Variants in SPAG9 observed in about 807,000 individuals in gnomAD.
The protein encoded by SPAG9 is sperm associated antigen 9.
SPAG9 carries 35 observed loss-of-function variants against 166.5 expected under a neutral mutation model. The observed-to-expected ratio is 0.21, with a 90% CI of 0.16 to 0.28. The LOEUF (loss-of-function observed/expected upper bound fraction) is 0.28. Ranked by LOEUF, SPAG9 falls within the 10% of genes least tolerant of loss-of-function variation. SPAG9 has a pLI of 1.00. For synonymous variants in SPAG9, 534 were observed against 565.5 expected (o/e 0.94, Z 0.79); for missense variants, 1,235 against 1,603.3 (o/e 0.77, Z 3.92).
intron 15 of SPAG9, 138 bp from the exon 16 acceptor site, chr17:50,996,832 A>G: frequency 1.2e-6 from 1 of 836,404 alleles, no homozygotes; most frequent in Non-Finnish European, 1.8e-6. Flanking sequence ...TTCAACTATA[A>G]CAGCTCCTTA....
chr17:51,046,785 C>T (rs536862642), intron 4 of SPAG9: 6 of 1,534,416 alleles, frequency 3.9e-6, no homozygotes, highest in Non-Finnish European at 5.2e-6. Flanking sequence ...TCAGCAGCAG[C>T]TTTCCACTCC....
intron 6 of SPAG9, among the ~76,000 whole-genome samples, chr17:51,022,459 A>G (rs1036819984): frequency 6.6e-6 from 1 of 152,180 alleles, no homozygotes; most frequent in African/African-American, 2.4e-5. Context: ...ATTTGTGTAC[A>G]ATGTATTTCT....
rs544379449 is a variant in SPAG9 at position 50,993,636 on chromosome 17, A to C, written c.2398+128T>G. The stretch of plus-strand genomic sequence containing the variant: ...TTCAATGGTTTCCAGTTTGTTTTTT[A>C]ATCTTCCCTAACTAGAACATAAGCT... On this transcript the variant is annotated intron_variant, in intron 19 of 29. Coordinates refer to ENST00000262013, the MANE Select transcript of SPAG9 (RefSeq NM_001130528.3). 9 of 790,552 alleles carry C rather than the reference A, an allele frequency of 1.1e-5. No individual in the cohort carries two copies. The South Asian group carries it at 2.2e-4, about 20-fold the overall frequency. 49.0% of individuals were successfully genotyped at this position (790,552 alleles called of 1,614,324 possible). A position where few individuals can be genotyped will look rare whatever the true frequency, so the allele number is the denominator to read the frequency against.
intron 6 of SPAG9, among the ~76,000 whole-genome samples, chr17:51,023,731 C>T (rs937211716): frequency 5.9e-5 from 9 of 152,132 alleles, no homozygotes; most frequent in Admixed American, 2.0e-4. Flanking sequence ...GTGGCATAAT[C>T]TCAGCTCAAT....
intron 2 of SPAG9, among the ~76,000 whole-genome samples, chr17:51,067,990 G>A (rs1598119442): frequency 6.6e-6 from 1 of 152,208 alleles, no homozygotes; most frequent in Non-Finnish European, 1.5e-5. Context: ...GTTGTCTTCT[G>A]CCCCATCAGA....
At position 51,120,284 on chromosome 17, in the gene SPAG9, C is replaced by T. The variant is rs2049439555; in HGVS notation, c.303+70G>A. The T allele has an allele frequency of 8.2e-7, 1 of 1,226,938 alleles. No homozygotes were observed. Among genetic ancestry groups the T allele is most frequent in the African/African-American group, 3.4e-5 (1 of 29,780 alleles). 76.0% of individuals were successfully genotyped at this position (1,226,938 alleles called of 1,614,324 possible). ...GCCCGTCGCGCCTCTAGTCCCCGAC[C>T]GGGCCGCGACCCCGCCCCGGCCGCC... On this transcript the variant is annotated intron_variant, in intron 1 of 29. Coordinates refer to ENST00000262013, the MANE Select transcript of SPAG9 (RefSeq NM_001130528.3). The surrounding 1 kb of genome is among the most constrained non-coding windows in gnomAD (Gnocchi z 4.7).
chr17:51,007,202 T>C (rs2045264025), intron 10 of SPAG9, 67 bp downstream of exon 10: 1 of 905,824 alleles, frequency 1.1e-6, no homozygotes, highest in Non-Finnish European at 1.7e-6. Flanking sequence ...GTTAAAACGA[T>C]GAAGTGTCAT....
rs71149341 is a variant in SPAG9 at position 51,083,543 on chromosome 17, T to TTTTATTTATTTATTTA, written c.304-3855_304-3840dup. ...TGAGCCACCACACACAGCCTCTTTA[T>TTTTATTTATTTATTTA]TTTATTTATTTATTTATTTATTTAT... On this transcript the variant is annotated intron_variant, in intron 1 of 29. Coordinates refer to ENST00000262013, the MANE Select transcript of SPAG9 (RefSeq NM_001130528.3). Among the ~76,000 whole-genome samples, 1,021 of 141,168 alleles carry TTTTATTTATTTATTTA rather than the reference T, an allele frequency of 7.2e-3. 10 individuals are homozygous for TTTTATTTATTTATTTA. Among genetic ancestry groups the TTTTATTTATTTATTTA allele is most frequent in the African/African-American group, 0.016 (623 of 38,118 alleles). The allele number at this position is 141,168 out of a possible 152,430, so 92.6% of individuals were successfully genotyped here.
At chr17:51,005,365 T>C (rs931070220) in intron 11 of SPAG9, 102 bp from the exon 12 acceptor site, 12 of 1,111,462 alleles carry the variant, frequency 1.1e-5, no homozygotes, top group African/African-American at 1.6e-5. Flanking sequence ...TAAAGGATTA[T>C]TTTTCTTTTC....
chr17:51,073,692 T>A (rs2047888222), intron 2 of SPAG9, among the ~76,000 whole-genome samples: 1 of 151,970 alleles, frequency 6.6e-6, no homozygotes, highest in Non-Finnish European at 1.5e-5. Flanking sequence ...TTAGAATTCA[T>A]ATTACACCAG....
chr17:50,997,238 C>T (rs2044722385), intron 15 of SPAG9, among the ~76,000 whole-genome samples: 1 of 152,204 alleles, frequency 6.6e-6, no homozygotes, highest in Non-Finnish European at 1.5e-5. Flanking sequence ...TACCAAGCAG[C>T]TTTGTTACAT....
chr17:50,993,064 C>G (rs2143853469), intron 19 of SPAG9, among the ~76,000 whole-genome samples: 1 of 147,834 alleles, frequency 6.8e-6, no homozygotes, highest in Non-Finnish European at 1.5e-5. Flanking sequence ...CCACTGCACT[C>G]CAGTGTGAGT....
intron 1 of SPAG9, among the ~76,000 whole-genome samples, chr17:51,096,531 T>C (rs2048653338): frequency 6.6e-6 from 1 of 152,166 alleles, no homozygotes; most frequent in African/African-American, 2.4e-5. Flanking sequence ...TGTTACCTTA[T>C]CTAGTTAATT....
intron 1 of SPAG9, among the ~76,000 whole-genome samples, chr17:51,092,945 ATT>A (rs918914489): frequency 1.3e-5 from 2 of 150,740 alleles, no homozygotes; most frequent in Non-Finnish European, 3.0e-5. Flanking sequence ...CTCTTAAAAA[ATT>A]TTTTTTTCTA....
intron 9 of SPAG9, among the ~76,000 whole-genome samples, chr17:51,008,579 T>A (rs1047524623): frequency 1.3e-5 from 2 of 152,104 alleles, no homozygotes; most frequent in Admixed American, 1.3e-4. Flanking sequence ...TCCAAATGAT[T>A]TAAAAATTAC....
intron 13 of SPAG9, among the ~76,000 whole-genome samples, chr17:51,000,571 T>TA: frequency 6.6e-6 from 1 of 151,794 alleles, no homozygotes; most frequent in East Asian, 1.9e-4. Flanking sequence ...CTGTCTCTAC[T>TA]AAAAAATACA....
At chr17:50,994,766 C>G (rs981260059) in intron 18 of SPAG9, among the ~76,000 whole-genome samples, 1 of 152,132 alleles carries the variant, frequency 6.6e-6, no homozygotes, top group African/African-American at 2.4e-5. Flanking sequence ...CAACACAAAA[C>G]TAACAGGTAA....
At chr17:50,994,918 G>T in intron 18 of SPAG9, 139 bp downstream of exon 18, 1 of 597,474 alleles carries the variant, frequency 1.7e-6, no homozygotes, top group South Asian at 2.6e-5. Flanking sequence ...TTTTAAAATT[G>T]ATTTTAAAAG....
intron 15 of SPAG9, 56 bp from the exon 16 acceptor site, chr17:50,996,750 C>G: frequency 6.4e-7 from 1 of 1,554,388 alleles, no homozygotes; most frequent in African/African-American, 1.4e-5. Context: ...ACGTTTATCC[C>G]CAGTTTTATC....
Sources: allele counts gnomAD v4.1 joint callset (sites outside exome capture counted in the v4.1 genomes callset), GRCh38; gene constraint gnomAD v4.1.1; non-coding constraint Gnocchi (gnomAD v3.1); transcripts MANE v1.5; gene names NCBI Gene and HGNC (gene_info 2026-07-23, HGNC 2026-07-21).